TBC1D25: variants seen among roughly 807,000 people sequenced by gnomAD.
The protein encoded by TBC1D25 is TBC1 domain family member 25.
Under a neutral mutation model 38.8 loss-of-function variants are expected in TBC1D25, and 13 were observed. The ratio of observed to expected loss-of-function variants is 0.34; its 90% CI spans 0.22 to 0.53. The LOEUF (loss-of-function observed/expected upper bound fraction) is 0.53, where lower values mean the gene tolerates loss of function less well. TBC1D25 is among the 20% of genes least tolerant of loss of function. The probability of loss-of-function intolerance (pLI) is 0.94; values close to 1 mark genes in which losing one functional copy is unlikely to be tolerated. For synonymous variants in TBC1D25, 225 were observed against 255.6 expected, an observed-to-expected ratio of 0.88 and a Z score of 1.14; for missense variants, 372 against 600.0, an observed-to-expected ratio of 0.62 and a Z score of 3.97.
At chrX:48,542,789 CAG>C (rs1348739106) in intron 2 of TBC1D25, among the ~76,000 whole-genome samples, 1 of 110,939 alleles carries the variant, frequency 9.0e-6, no homozygotes, top group Non-Finnish European at 1.9e-5. Flanking sequence ...TTAGTAGAGA[CAG>C]GGTTTCGCCA....
At chrX:48,548,659 G>A (rs1425058012) in intron 3 of TBC1D25, among the ~76,000 whole-genome samples, 1 of 111,505 alleles carries the variant, frequency 9.0e-6, no homozygotes, top group Non-Finnish European at 1.9e-5. Flanking sequence ...GGAACGCTAT[G>A]CCTAATCTCA....
chrX:48,540,842 C>T (rs781987938), intron 1 of TBC1D25, among the ~76,000 whole-genome samples: 228 of 111,951 alleles, frequency 2.0e-3, no homozygotes, highest in Admixed American at 3.7e-3. Context: ...GCGTGAACCA[C>T]GTGAAGAAAG....
Position 48,560,387 on chromosome X carries a change from G to C in TBC1D25, c.1479G>C (p.Gln493His). ...DAVDHLATAS[Q>H]GPGGGGRLLR... The stretch of plus-strand genomic sequence containing the variant: ...TTGACCACCTGGCCACAGCCAGTCA[G>C]GGGCCTGGTGGTGGGGGGCGTCTCC... The change falls in exon 6 of 6, where the codon CAG (glutamine) becomes CAC (histidine). Residue 493 changes from glutamine to histidine, a missense_variant. By Grantham distance (24) the Gln-to-His change is conservative (BLOSUM62 0). Around this residue, in one of 2 missense-constraint regions of TBC1D25, gnomAD observed 312 missense variants for 549.3 expected, o/e 0.57. Coordinates refer to ENST00000376771, the MANE Select transcript of TBC1D25 (RefSeq NM_002536.4). The C allele has an allele frequency of 8.3e-7, 1 of 1,211,639 alleles. No individual in the cohort carries two copies. Among genetic ancestry groups the C allele is most frequent in the East Asian group, 3.0e-5 (1 of 33,805 alleles).
At chrX:48,548,086 T>A (rs1556982317) in intron 3 of TBC1D25, among the ~76,000 whole-genome samples, 2 of 110,544 alleles carry the variant, frequency 1.8e-5, no homozygotes, top group Admixed American at 2.0e-4. Context: ...GTAGTTTGTT[T>A]TCTGTTTGTT....
chrX:48,558,802 T>G, intron 3 of TBC1D25, 95 bp from the exon 4 acceptor site: 4 of 1,122,296 alleles, frequency 3.6e-6, no homozygotes, highest in Non-Finnish European at 4.8e-6. Context: ...TTTGTTCCCC[T>G]GCAGGTAGCC....
At chrX:48,540,289 C>T (rs2061828557) in intron 1 of TBC1D25, among the ~76,000 whole-genome samples, 1 of 111,462 alleles carries the variant, frequency 9.0e-6, no homozygotes, top group Non-Finnish European at 1.9e-5. Context: ...TGAGAGTGCA[C>T]TTATGTGCAA....
At chrX:48,540,570 G>T (rs1210524634) in intron 1 of TBC1D25, among the ~76,000 whole-genome samples, 1 of 111,777 alleles carries the variant, frequency 8.9e-6, no homozygotes, top group Non-Finnish European at 1.9e-5. Flanking sequence ...TGTTCCCGTA[G>T]GTTCCTGATT....
At chrX:48,544,807 A>T in intron 2 of TBC1D25, 62 bp from the exon 3 acceptor site, 1 of 1,173,595 alleles carries the variant, frequency 8.5e-7, no homozygotes, top group South Asian at 1.9e-5. Context: ...TGTTTTGGAA[A>T]CTGTCCCTGA....
intron 2 of TBC1D25, among the ~76,000 whole-genome samples, chrX:48,542,490 CTT>C (rs781913912): frequency 2.3e-4 from 21 of 92,073 alleles, no homozygotes; most frequent in Admixed American, 1.2e-4. Context: ...TTGATCTTCT[CTT>C]TTTTTTTTTT....
At chrX:48,557,473 G>A (rs937395936) in intron 3 of TBC1D25, among the ~76,000 whole-genome samples, 2 of 110,237 alleles carry the variant, frequency 1.8e-5, no homozygotes, top group African/African-American at 3.3e-5. Flanking sequence ...GAGACACCCC[G>A]TCTCTACTAA....
chrX:48,550,412 A>G (rs1043159723), intron 3 of TBC1D25, among the ~76,000 whole-genome samples: 2 of 108,569 alleles, frequency 1.8e-5, no homozygotes, highest in Non-Finnish European at 3.8e-5. Flanking sequence ...CATTCTACCA[A>G]TGGGCTCTAT....
At chrX:48,545,732 A>G (rs2061877970) in intron 3 of TBC1D25, among the ~76,000 whole-genome samples, 1 of 112,393 alleles carries the variant, frequency 8.9e-6, no homozygotes, top group Admixed American at 9.5e-5. Flanking sequence ...TTGTGCTACT[A>G]TAACAGAATA....
intron 1 of TBC1D25, among the ~76,000 whole-genome samples, chrX:48,540,186 G>T (rs1347876734): frequency 9.1e-6 from 1 of 110,192 alleles, no homozygotes; most frequent in African/African-American, 3.3e-5. Flanking sequence ...CAAAGGGGAG[G>T]GGCTATGGGG....
chrX:48,556,746 C>CAAA (rs57538682), intron 3 of TBC1D25, among the ~76,000 whole-genome samples: 5 of 42,410 alleles, frequency 1.2e-4, no homozygotes, highest in African/African-American at 3.8e-4. Context: ...GACTCCGTCT[C>CAAA]AAAAAAAAAA....
intron 3 of TBC1D25, among the ~76,000 whole-genome samples, chrX:48,554,986 T>C (rs1324517203): frequency 9.0e-6 from 1 of 111,711 alleles, no homozygotes; most frequent in African/African-American, 3.3e-5. Context: ...GAGGACTGGT[T>C]AGGAGGCAGT....
chrX:48,549,446 T>C (rs1295970595), intron 3 of TBC1D25, among the ~76,000 whole-genome samples: 7 of 113,061 alleles, frequency 6.2e-5, no homozygotes, highest in Non-Finnish European at 1.3e-4. Flanking sequence ...ATTAAACATT[T>C]GATTGCACGC....
intron 3 of TBC1D25, among the ~76,000 whole-genome samples, chrX:48,558,370 G>GCTCTTGAGCTTGGGCCTGGC (rs1193712650): frequency 9.0e-6 from 1 of 111,409 alleles, no homozygotes; most frequent in Non-Finnish European, 1.9e-5. Context: ...AGGAGTTTGG[G>GCTCTTGAGCTTGGGCCTGGC]CTCTTGAGCT....
In TBC1D25 at chrX:48,561,089, C is replaced by A; in HGVS notation, c.*114C>A. 1.1e-6 allele frequency: 1 copy of A among 900,360 alleles called. No homozygotes were observed. Among genetic ancestry groups the A allele is most frequent in the Non-Finnish European group, 1.5e-6 (1 of 671,660 alleles). 74.2% of individuals were successfully genotyped at this position (900,360 alleles called of 1,213,427 possible). Reference sequence around the variant, plus strand: ...CCTGCCAGCCCTAGACTTGTTGGAGCATAGAGCCCTTCCTCCCCAGGCCTA... The same window carrying A: ...CCTGCCAGCCCTAGACTTGTTGGAGAATAGAGCCCTTCCTCCCCAGGCCTA... On this transcript the variant is annotated 3_prime_UTR_variant, in exon 6 of 6. Transcript: ENST00000376771.
At chrX:48,541,570 T>C (rs920462642) in intron 2 of TBC1D25, 128 bp downstream of exon 2, 24 of 660,766 alleles carry the variant, frequency 3.6e-5, no homozygotes, top group African/African-American at 3.6e-4. Context: ...CAGCCACGTA[T>C]GCATGTCTTG....
Sources: gnomAD v4.1 joint callset for allele counts (sites outside exome capture counted in the v4.1 genomes callset) on GRCh38, gnomAD v4.1.1 for gene constraint, gnomAD v4.1.1 regional missense constraint, MANE v1.5 for transcripts, NCBI Gene and HGNC (gene_info 2026-07-23, HGNC 2026-07-21) for gene names.